The following SRPK2 variants were observed in gnomAD, a reference collection of about 807,000 sequenced individuals.
SRPK2 encodes the protein SFRS protein kinase 2.
Under a neutral mutation model 90.8 loss-of-function variants are expected in SRPK2, and 21 were observed. The observed-to-expected ratio is 0.23, with a 90% confidence interval of 0.16 to 0.33. SRPK2 has a LOEUF of 0.33. Among genes scored for constraint, SRPK2 ranks in the 10% least tolerant of loss-of-function variants. SRPK2 has a pLI of 1.00. For missense variants in SRPK2, 620 were observed against 869.0 expected (o/e 0.71, Z 3.60); for synonymous variants, 288 against 311.1 (o/e 0.93, Z 0.78).
intron 3 of SRPK2, among the ~76,000 whole-genome samples, chr7:105,186,728 G>T (rs1793626907): frequency 6.6e-6 from 1 of 152,148 alleles, no homozygotes; most frequent in Non-Finnish European, 1.5e-5. Context: ...GAATATAGTG[G>T]ATGAGACTGT....
chr7:105,182,499 T>C (rs1179678667), intron 3 of SRPK2, among the ~76,000 whole-genome samples: 1 of 140,766 alleles, frequency 7.1e-6, no homozygotes, highest in African/African-American at 2.6e-5. Context: ...CTGCCCAGAC[T>C]GAAGTGCAGC....
chr7:105,390,465 A>G (rs1320720070), upstream of SRPK2, among the ~76,000 whole-genome samples: 2 of 151,998 alleles, frequency 1.3e-5, no homozygotes, highest in Non-Finnish European at 2.9e-5. Context: ...GTCTCACTCT[A>G]TCACCCAGGC....
chr7:105,245,073 A>ACACACACACACC, intron 2 of SRPK2: 1 of 592,732 alleles, frequency 1.7e-6, no homozygotes, highest in Admixed American at 2.7e-5. Context: ...ACACACACAC[A>ACACACACACACC]CCTCTTTTTC....
intron 2 of SRPK2, among the ~76,000 whole-genome samples, chr7:105,210,456 G>A (rs868304917): frequency 1.7e-4 from 26 of 152,028 alleles, no homozygotes; most frequent in African/African-American, 6.0e-4. Context: ...TAGTAGAATC[G>A]GTCAATATAG....
At chr7:105,376,303 T>C (rs1014211194) in intron 2 of SRPK2, among the ~76,000 whole-genome samples, 2 of 151,284 alleles carry the variant, frequency 1.3e-5, no homozygotes, top group African/African-American at 4.9e-5. Flanking sequence ...GGCCAAAAAT[T>C]CATTTCTTAA....
upstream of SRPK2, among the ~76,000 whole-genome samples, chr7:105,394,225 C>T (rs1248394013): frequency 6.6e-6 from 1 of 151,770 alleles, no homozygotes; most frequent in African/African-American, 2.4e-5. Context: ...TCACCGCAAC[C>T]TCTGCCTCCC....
chr7:105,220,057 A>G lies in SRPK2; in HGVS notation c.72-16272T>C, dbSNP rs138379030. On this transcript the variant is annotated intron_variant, in intron 2 of 15. Coordinates refer to ENST00000393651, the MANE Select transcript of SRPK2 (RefSeq NM_182692.3). Reference sequence around the variant, plus strand: ...TAGGGAGAAGTTTAAGAACTCAAATAGTATCTGACTTAATCATAAAAAATG... The same window carrying G: ...TAGGGAGAAGTTTAAGAACTCAAATGGTATCTGACTTAATCATAAAAAATG... 9.6e-4 allele frequency among the ~76,000 whole-genome samples: 147 copies of G among 152,382 alleles called. 3 individuals are homozygous for G. Among genetic ancestry groups the G allele is most frequent in the African/African-American group, 3.3e-3 (139 of 41,596 alleles).
chr7:105,200,222 C>T (rs1795380227), intron 3 of SRPK2, among the ~76,000 whole-genome samples: 1 of 152,092 alleles, frequency 6.6e-6, no homozygotes, highest in Non-Finnish European at 1.5e-5. Flanking sequence ...ATTGCTTGAA[C>T]CCAGGAGGTG....
chr7:105,177,639 C>A (rs1345695337), intron 3 of SRPK2, among the ~76,000 whole-genome samples: 1 of 152,148 alleles, frequency 6.6e-6, no homozygotes, highest in Non-Finnish European at 1.5e-5. Flanking sequence ...GGCGGCTATG[C>A]ATGCGTCAGG....
At chr7:105,204,639 GC>G in intron 2 of SRPK2, 1 of 896,442 alleles carries the variant, frequency 1.1e-6, no homozygotes. Context: ...AGGGTCAGTT[GC>G]CCGACATGTG....
At chr7:105,308,694 C>A (rs1438269349) in intron 2 of SRPK2, among the ~76,000 whole-genome samples, 2 of 152,308 alleles carry the variant, frequency 1.3e-5, no homozygotes, top group South Asian at 4.1e-4. Context: ...ACTAAAGATT[C>A]TTTTCCTACA....
chr7:105,161,677 A>G, intron 6 of SRPK2, among the ~76,000 whole-genome samples: 1 of 152,248 alleles, frequency 6.6e-6, no homozygotes, highest in East Asian at 1.9e-4. Flanking sequence ...GAGCTCCAGT[A>G]TCTCAAGTGT....
chr7:105,392,979 A>G (rs1822220735), upstream of SRPK2, among the ~76,000 whole-genome samples: 3 of 143,642 alleles, frequency 2.1e-5, no homozygotes, highest in South Asian at 6.6e-4. Context: ...CACCCGGCTA[A>G]TTTTTGTATT....
intron 2 of SRPK2, chr7:105,204,813 T>C: frequency 2.0e-6 from 1 of 509,232 alleles, no homozygotes; most frequent in Non-Finnish European, 3.9e-6. Flanking sequence ...TGCGCCCTAT[T>C]TTAAGGGTAT....
intron 3 of SRPK2, among the ~76,000 whole-genome samples, chr7:105,176,833 C>G (rs1792014938): frequency 6.6e-6 from 1 of 151,816 alleles, no homozygotes; most frequent in Admixed American, 6.6e-5. Flanking sequence ...CAGGGTTTCA[C>G]CATGTTGGCC....
At chr7:105,279,859 G>C (rs1807028293) in intron 2 of SRPK2, among the ~76,000 whole-genome samples, 1 of 152,184 alleles carries the variant, frequency 6.6e-6, no homozygotes, top group Admixed American at 6.5e-5. Flanking sequence ...CAAGTTCTTA[G>C]ATAACTGTGA....
chr7:105,272,313 A>C (rs1805933765), intron 2 of SRPK2, among the ~76,000 whole-genome samples: 1 of 152,226 alleles, frequency 6.6e-6, no homozygotes, highest in Non-Finnish European at 1.5e-5. Context: ...TCTACATCTC[A>C]GCCTTTAATC....
intron 11 of SRPK2, among the ~76,000 whole-genome samples, chr7:105,136,565 C>A (rs986676229): frequency 6.6e-6 from 1 of 152,176 alleles, no homozygotes; most frequent in South Asian, 2.1e-4. Context: ...CCTTCTGATA[C>A]GCTAGTCTTT....
At chr7:105,147,734 T>C (rs934248802) in intron 7 of SRPK2, among the ~76,000 whole-genome samples, 2 of 152,238 alleles carry the variant, frequency 1.3e-5, no homozygotes, top group Non-Finnish European at 2.9e-5. Flanking sequence ...ACCACTAATC[T>C]ACTTGCTGAT....
Sources: gnomAD v4.1 joint callset for allele counts (sites outside exome capture counted in the v4.1 genomes callset) on GRCh38, gnomAD v4.1.1 for gene constraint, MANE v1.5 for transcripts, NCBI Gene and HGNC (gene_info 2026-07-23, HGNC 2026-07-21) for gene names.